ATP11C: variants seen among roughly 807,000 people sequenced by gnomAD.
The protein encoded by ATP11C is phospholipid-transporting ATPase IG.
Under a neutral mutation model 97.4 loss-of-function variants are expected in ATP11C, and 36 were observed. That is an observed-to-expected ratio of 0.37 (90% confidence interval 0.28 to 0.49). The LOEUF (loss-of-function observed/expected upper bound fraction) is 0.49. Ranked by LOEUF, ATP11C falls within the 20% of genes least tolerant of loss-of-function variation. ATP11C has a pLI of 0.98. For missense variants in ATP11C, 730 were observed against 824.6 expected, an observed-to-expected ratio of 0.89 and a Z score of 1.40; for synonymous variants, 275 against 290.9, an observed-to-expected ratio of 0.95 and a Z score of 0.56.
chrX:139,894,420 T>C (rs746891953), intron 1 of ATP11C, among the ~76,000 whole-genome samples: 1 of 112,071 alleles, frequency 8.9e-6, no homozygotes, highest in East Asian at 2.8e-4. Flanking sequence ...TTCTCATTCA[T>C]ATGTGAGAGC....
At chrX:139,781,251 T>C (rs768214264) in intron 18 of ATP11C, among the ~76,000 whole-genome samples, 1 of 112,199 alleles carries the variant, frequency 8.9e-6, no homozygotes, top group African/African-American at 3.2e-5. Flanking sequence ...CCTTTTAACG[T>C]GACTAAACAT....
At chrX:139,767,297 A>T (rs763235771) in intron 20 of ATP11C, among the ~76,000 whole-genome samples, 86 of 111,746 alleles carry the variant, frequency 7.7e-4, no homozygotes, top group African/African-American at 2.6e-3. Flanking sequence ...GTAAAGTCAT[A>T]AAGGCTTGGA....
At chrX:139,745,641 T>C (rs2081665424) in intron 25 of ATP11C, 81 bp downstream of exon 25, 1 of 1,039,721 alleles carries the variant, frequency 9.6e-7, no homozygotes, top group Non-Finnish European at 1.3e-6. Context: ...CTAGAGTATG[T>C]ATATGACAAA....
Position 139,804,615 on chromosome X carries a change from AAATAT to A in ATP11C, c.427-21_427-17del. The A allele has an allele frequency of 8.7e-7, 1 of 1,151,371 alleles. No individual in the cohort carries two copies. The highest frequency in any genetic ancestry group is 1.2e-6 in the Non-Finnish European group (1 of 856,944). 94.9% of individuals were successfully genotyped at this position (1,151,371 alleles called of 1,213,427 possible). A position where few individuals can be genotyped will look rare whatever the true frequency, so the allele number is the denominator to read the frequency against. On this transcript the variant is annotated splice_polypyrimidine_tract_variant and intron_variant, in intron 5 of 29. Coordinates refer to ENST00000682941, the MANE Select transcript of ATP11C (RefSeq NM_001353812.2). Reference sequence around the variant, plus strand: ...CATCACCAACCTGGAATTGAGAAATAAATATAAATATTTTAAATTCCAAACAAAGC... The same window carrying A: ...CATCACCAACCTGGAATTGAGAAATAAAATATTTTAAATTCCAAACAAAGC...
In ATP11C at chrX:139,877,971, C is replaced by T. The variant is rs758753155; in HGVS notation, c.28-51148G>A. Among the ~76,000 whole-genome samples, 4 of 110,955 alleles carry T rather than the reference C, an allele frequency of 3.6e-5. No homozygotes were observed. The South Asian group carries it at 1.5e-3, about 42-fold the overall frequency. On this transcript the variant is annotated intron_variant, in intron 1 of 29. Transcript: ENST00000682941. ...CCGGAAGAGGGAGGTTGCAGTGAGCCGAGATCATGCCACTGCACTCTAGCC... is the reference window on the plus strand; with the variant it reads ...CCGGAAGAGGGAGGTTGCAGTGAGCTGAGATCATGCCACTGCACTCTAGCC...
rs749176314 is a variant in ATP11C at position 139,822,424 on chromosome X, T to TTTG, written c.148-2998_148-2997insCAA. ...TTTTGTTTGTTTGTTTGTTTGTTTG[T>TTTG]TTTTTTTGAGACAGAGTCTCACTCT... On this transcript the variant is annotated intron_variant, in intron 2 of 29. Transcript: ENST00000682941. 5.8e-3 allele frequency among the ~76,000 whole-genome samples: 477 copies of TTTG among 81,967 alleles called. 7 individuals are homozygous for TTTG. Among genetic ancestry groups the TTTG allele is most frequent in the African/African-American group, 0.043 (440 of 10,230 alleles). The allele number at this position is 81,967 out of a possible 115,157, so 71.2% of individuals were successfully genotyped here. A position where few individuals can be genotyped will look rare whatever the true frequency, so the allele number is the denominator to read the frequency against.
intron 1 of ATP11C, chrX:139,832,183 T>C (rs1178582697): frequency 8.3e-7 from 1 of 1,207,705 alleles, no homozygotes. Flanking sequence ...GATGGGACCA[T>C]CTGCATACTG....
chrX:139,770,301 G>A (rs927710695), intron 19 of ATP11C, among the ~76,000 whole-genome samples: 6 of 112,239 alleles, frequency 5.3e-5, no homozygotes, highest in African/African-American at 1.9e-4. Flanking sequence ...CAGTTATTGA[G>A]ACATATCCAC....
intron 24 of ATP11C, among the ~76,000 whole-genome samples, chrX:139,747,483 A>G (rs2081714251): frequency 9.0e-6 from 1 of 111,631 alleles, no homozygotes; most frequent in Non-Finnish European, 1.9e-5. Context: ...ATGAGCAGCA[A>G]AGGCCTGAGC....
chrX:139,806,693 T>C (rs192004741), intron 5 of ATP11C, among the ~76,000 whole-genome samples: 1 of 111,791 alleles, frequency 8.9e-6, no homozygotes, highest in Admixed American at 9.5e-5. Context: ...AGGCTTCTAC[T>C]GAGTGTTCAT....
Position 139,906,521 on chromosome X carries a change from C to T in ATP11C, c.27+25495G>A, listed in dbSNP as rs919946275. On this transcript the variant is annotated intron_variant, in intron 1 of 29. Coordinates refer to ENST00000682941, the MANE Select transcript of ATP11C (RefSeq NM_001353812.2). ...TTCATTGGCCGGGCATGGTGGCTCA[C>T]AGCCGTAATCCCAGCACTTTGGGAA... Among the ~76,000 whole-genome samples, 9 of 110,351 alleles carry T rather than the reference C, an allele frequency of 8.2e-5. No individual in the cohort carries two copies. The South Asian group carries it at 1.2e-3, about 14-fold the overall frequency.
Position 139,815,176 on chromosome X carries a change from G to A in ATP11C, c.319-191C>T, listed in dbSNP as rs147940962. 1.2e-3 allele frequency among the ~76,000 whole-genome samples: 140 copies of A among 112,066 alleles called. No homozygotes were observed. In the East Asian group the frequency reaches 0.038, roughly 31 times the overall value. On this transcript the variant is annotated intron_variant, in intron 4 of 29. Coordinates refer to ENST00000682941, the MANE Select transcript of ATP11C (RefSeq NM_001353812.2). Reference sequence around the variant, plus strand: ...AGACACACTTTCAAAATACTCCTTAGATAAATAGCTTTGTTGTGTTAAAAG... The same window carrying A: ...AGACACACTTTCAAAATACTCCTTAAATAAATAGCTTTGTTGTGTTAAAAG...
In ATP11C at chrX:139,834,926, T is replaced by G. The variant is rs766602315; in HGVS notation, c.28-8103A>C. 2.0e-3 allele frequency among the ~76,000 whole-genome samples: 222 copies of G among 112,504 alleles called. 1 individual carries two copies. The highest frequency in any genetic ancestry group is 7.0e-3 in the African/African-American group (216 of 30,963). On this transcript the variant is annotated intron_variant, in intron 1 of 29. Transcript: ENST00000682941. ...TGTGTAAGTCAGCATTTCCCAAAATTTTTTGACCACAGAACTCTTTTCTTC... is the reference window on the plus strand; with the variant it reads ...TGTGTAAGTCAGCATTTCCCAAAATGTTTTGACCACAGAACTCTTTTCTTC...
chrX:139,773,422 A>C (rs1164879879), intron 19 of ATP11C, among the ~76,000 whole-genome samples: 1 of 111,070 alleles, frequency 9.0e-6, no homozygotes, highest in African/African-American at 3.3e-5. Context: ...AGCCAGAAAA[A>C]AGCCCTCACA....
intron 1 of ATP11C, among the ~76,000 whole-genome samples, chrX:139,929,741 C>G (rs2085404298): frequency 8.9e-6 from 1 of 111,752 alleles, no homozygotes; most frequent in African/African-American, 3.3e-5. Flanking sequence ...TACATCTATA[C>G]TGCTGTGAAA....
At chrX:139,848,018 G>A (rs1249395402) in intron 1 of ATP11C, among the ~76,000 whole-genome samples, 1 of 111,062 alleles carries the variant, frequency 9.0e-6, no homozygotes, top group Non-Finnish European at 1.9e-5. Context: ...CCTTGGACGT[G>A]TGCCTTCATT....
At chrX:139,911,410 TATC>T (rs1039056043) in intron 1 of ATP11C, among the ~76,000 whole-genome samples, 6 of 112,020 alleles carry the variant, frequency 5.4e-5, no homozygotes, top group African/African-American at 1.6e-4. Flanking sequence ...TGCAAATTAA[TATC>T]ATCGTGAAAT....
chrX:139,888,714 CTACCCAGTATGAAAATG>C (rs1479382400), intron 1 of ATP11C, among the ~76,000 whole-genome samples: 78 of 110,806 alleles, frequency 7.0e-4, no homozygotes, highest in African/African-American at 2.2e-3. Flanking sequence ...AGTTTTCATA[CTACCCAGTATGAAAATG>C]TACCCAGTAC....
intron 1 of ATP11C, among the ~76,000 whole-genome samples, chrX:139,908,556 A>AG (rs1269583569): frequency 2.7e-5 from 3 of 112,422 alleles, no homozygotes; most frequent in African/African-American, 9.7e-5. Flanking sequence ...GTAATAAAGG[A>AG]GTAAACAAAT....
Sources: gnomAD v4.1 joint callset for allele counts (sites outside exome capture counted in the v4.1 genomes callset) on GRCh38, gnomAD v4.1.1 for gene constraint, MANE v1.5 for transcripts, NCBI Gene and HGNC (gene_info 2026-07-23, HGNC 2026-07-21) for gene names.